The following LRRC7 variants were observed in gnomAD, a reference collection of about 807,000 sequenced individuals.
LRRC7 encodes the protein leucine rich repeat containing 7.
A neutral mutation model predicts 175.7 loss-of-function variants in LRRC7; 23 were observed. The observed-to-expected ratio is 0.13, with a 90% CI of 0.09 to 0.19. The LOEUF (loss-of-function observed/expected upper bound fraction) is 0.19. LRRC7 is among the 10% of genes least tolerant of loss of function. The pLI is 1.00. For synonymous variants in LRRC7, 685 were observed against 680.9 expected (o/e 1.01, Z -0.09); for missense variants, 1,354 against 1,904.7 (o/e 0.71, Z 5.38).
At chr1:70,005,648 T>C (rs1655937833) in intron 11 of LRRC7, among the ~76,000 whole-genome samples, 1 of 152,208 alleles carries the variant, frequency 6.6e-6, no homozygotes, top group Non-Finnish European at 1.5e-5. Context: ...GTAATATTTA[T>C]ATGTAGTTTA....
At chr1:69,970,213 C>G (rs1209114531) in intron 8 of LRRC7, among the ~76,000 whole-genome samples, 1 of 151,994 alleles carries the variant, frequency 6.6e-6, no homozygotes, top group African/African-American at 2.4e-5. Context: ...AAGGTAACAT[C>G]TCAAGGAACT....
At chr1:70,118,622 G>C (rs1465449089) in intron 26 of LRRC7, among the ~76,000 whole-genome samples, 1 of 152,100 alleles carries the variant, frequency 6.6e-6, no homozygotes, top group Non-Finnish European at 1.5e-5. Flanking sequence ...AGTAATGAAA[G>C]AAACAAGAAG....
chr1:69,572,560 G>T (rs1645781151), intron 1 of LRRC7, among the ~76,000 whole-genome samples: 1 of 151,996 alleles, frequency 6.6e-6, no homozygotes, highest in Non-Finnish European at 1.5e-5. Context: ...TTTTAACCAT[G>T]TTATTTATGT....
intron 1 of LRRC7, among the ~76,000 whole-genome samples, chr1:69,602,221 A>G (rs1053757362): frequency 6.6e-6 from 1 of 152,148 alleles, no homozygotes; most frequent in Non-Finnish European, 1.5e-5. Flanking sequence ...GTTTTCTCCA[A>G]ATGGATTCAA....
intron 7 of LRRC7, among the ~76,000 whole-genome samples, chr1:69,895,480 G>A (rs976970191): frequency 2.0e-5 from 3 of 151,936 alleles, no homozygotes; most frequent in Non-Finnish European, 4.4e-5. Flanking sequence ...AAATAAAACA[G>A]AAAAATGTGT....
chr1:69,904,859 T>C (rs1231747843), intron 7 of LRRC7, among the ~76,000 whole-genome samples: 1 of 152,130 alleles, frequency 6.6e-6, no homozygotes, highest in Non-Finnish European at 1.5e-5. Flanking sequence ...GGCGTCTGTT[T>C]CCTTTTTCTT....
chr1:70,068,803 A>G (rs1386659574), intron 23 of LRRC7, among the ~76,000 whole-genome samples: 1 of 152,052 alleles, frequency 6.6e-6, no homozygotes, highest in Non-Finnish European at 1.5e-5. Context: ...TGTACCCTTG[A>G]ACTCCTGGGC....
At chr1:69,596,182 T>C (rs567098540) in intron 1 of LRRC7, among the ~76,000 whole-genome samples, 1 of 152,224 alleles carries the variant, frequency 6.6e-6, no homozygotes, top group East Asian at 1.9e-4. Flanking sequence ...TTCTAACCAG[T>C]TTAAGAAGAT....
chr1:69,965,083 G>A (rs1006882348), intron 8 of LRRC7, among the ~76,000 whole-genome samples: 3 of 152,204 alleles, frequency 2.0e-5, no homozygotes, highest in African/African-American at 7.2e-5. Context: ...CATGGAGTAG[G>A]TTGTAATTCT....
chr1:69,935,605 G>A (rs1647925657), intron 8 of LRRC7, among the ~76,000 whole-genome samples: 1 of 151,906 alleles, frequency 6.6e-6, no homozygotes, highest in African/African-American at 2.4e-5. Context: ...TATGTTTGTG[G>A]CAATTTGTGT....
intron 1 of LRRC7, among the ~76,000 whole-genome samples, chr1:69,633,271 C>T (rs1014684057): frequency 2.0e-5 from 3 of 151,586 alleles, no homozygotes; most frequent in Non-Finnish European, 4.4e-5. Context: ...TTCTTGATTC[C>T]AACACTTATA....
At chr1:69,717,316 A>T (rs2100755499) in intron 2 of LRRC7, among the ~76,000 whole-genome samples, 1 of 151,876 alleles carries the variant, frequency 6.6e-6, no homozygotes, top group East Asian at 1.9e-4. Flanking sequence ...ATTCAAAAAA[A>T]ATTATATAAA....
intron 7 of LRRC7, among the ~76,000 whole-genome samples, chr1:69,916,043 T>A (rs1646677774): frequency 2.9e-5 from 1 of 34,470 alleles, no homozygotes; most frequent in African/African-American, 8.6e-5. Flanking sequence ...TATAAATTTA[T>A]ATATATATTT....
intron 4 of LRRC7, among the ~76,000 whole-genome samples, chr1:69,796,201 G>T (rs1675745601): frequency 7.2e-6 from 1 of 138,956 alleles, no homozygotes; most frequent in Non-Finnish European, 1.5e-5. Flanking sequence ...TCCCACCTAT[G>T]AGTGAGAACA....
chr1:70,025,835 G>T lies in LRRC7; in HGVS notation c.1795-2336G>T, dbSNP rs968046762. On this transcript the variant is annotated intron_variant, in intron 17 of 26. Coordinates refer to ENST00000651989, the MANE Select transcript of LRRC7 (RefSeq NM_001370785.2). The stretch of plus-strand genomic sequence containing the variant: ...ACCTGGAACTTCCTCAATTTAAGGG[G>T]GGGGGGGTCCTCTTTCAGAAAAAGA... Among the ~76,000 whole-genome samples the T allele has an allele frequency of 5.5e-5, 8 of 145,358 alleles. No individual in the cohort carries two copies. The South Asian group carries it at 9.7e-4, about 18-fold the overall frequency.
chr1:70,001,761 C>T (rs1158305146), intron 11 of LRRC7, among the ~76,000 whole-genome samples: 5 of 152,108 alleles, frequency 3.3e-5, no homozygotes, highest in Non-Finnish European at 7.4e-5. Context: ...TTACTATGTG[C>T]CTGGGAGTTT....
chr1:70,001,514 C>A (rs1655518099), intron 11 of LRRC7, among the ~76,000 whole-genome samples: 1 of 151,972 alleles, frequency 6.6e-6, no homozygotes, highest in African/African-American at 2.4e-5. Flanking sequence ...CATAAATGGC[C>A]AAACGATTTA....
rs1457719853 is a variant in LRRC7 at position 70,126,742 on chromosome 1, T to A, written c.*4855T>A. 6.6e-6 allele frequency among the ~76,000 whole-genome samples: 1 copy of A among 152,218 alleles called. No homozygotes were observed. The highest frequency in any genetic ancestry group is 1.5e-5 in the Non-Finnish European group (1 of 68,046). On this transcript the variant is annotated 3_prime_UTR_variant, in exon 27 of 27. Transcript: ENST00000651989. Reference sequence around the variant, plus strand: ...CCTGAGTGTCAGCTCCATTTTGATCTAAACTGTTCAGGAAATCTATTTTCC... The same window carrying A: ...CCTGAGTGTCAGCTCCATTTTGATCAAAACTGTTCAGGAAATCTATTTTCC...
chr1:69,927,811 C>A (rs1158735596), intron 7 of LRRC7, among the ~76,000 whole-genome samples: 1 of 152,032 alleles, frequency 6.6e-6, no homozygotes, highest in South Asian at 2.1e-4. Context: ...CTCAACTCAT[C>A]AAAGTCATAC....
Sources: allele counts gnomAD v4.1 joint callset (sites outside exome capture counted in the v4.1 genomes callset), GRCh38; gene constraint gnomAD v4.1.1; transcripts MANE v1.5; gene names NCBI Gene and HGNC (gene_info 2026-07-23, HGNC 2026-07-21).